SS18: variants seen among roughly 807,000 people sequenced by gnomAD.
The protein encoded by SS18 is protein SSXT.
SS18 carries 28 observed loss-of-function variants against 72.5 expected under a neutral mutation model. The observed-to-expected ratio is 0.39, with a 90% confidence interval of 0.29 to 0.53. The LOEUF (loss-of-function observed/expected upper bound fraction) is 0.53. Among genes scored for constraint, SS18 ranks in the 20% least tolerant of loss-of-function variants. The pLI, the probability that SS18 is intolerant of heterozygous loss-of-function variation, is 0.76. For missense variants in SS18, 518 were observed against 535.3 expected, an observed-to-expected ratio of 0.97 and a Z score of 0.32; for synonymous variants, 172 against 164.2, an observed-to-expected ratio of 1.05 and a Z score of -0.37.
intron 10 of SS18, among the ~76,000 whole-genome samples, chr18:26,019,143 T>C (rs1455125938): frequency 6.6e-6 from 1 of 152,196 alleles, no homozygotes; most frequent in East Asian, 1.9e-4. Flanking sequence ...TATACATCTG[T>C]TCAGGTTAAC....
In SS18 at chr18:26,058,557, A is replaced by G. The variant is rs142543807; in HGVS notation, c.232-815T>C. Among the ~76,000 whole-genome samples the G allele has an allele frequency of 4.3e-3, 660 of 152,312 alleles. 4 individuals are homozygous for G. The highest frequency in any genetic ancestry group is 0.014 in the African/African-American group (594 of 41,560). Reference sequence around the variant, plus strand: ...TTCTAAATGTAATGTCCATTCCTGTATTATCAGTTGTTCTCTTCCTCCTAC... The same window carrying G: ...TTCTAAATGTAATGTCCATTCCTGTGTTATCAGTTGTTCTCTTCCTCCTAC... On this transcript the variant is annotated intron_variant, in intron 3 of 10. Coordinates refer to ENST00000415083, the MANE Select transcript of SS18 (RefSeq NM_001007559.3).
chr18:26,054,331 T>A (rs1453559631), intron 4 of SS18, among the ~76,000 whole-genome samples: 2 of 152,206 alleles, frequency 1.3e-5, no homozygotes, highest in Non-Finnish European at 2.9e-5. Flanking sequence ...ACTGTCAAAT[T>A]TTAAAATATA....
intron 1 of SS18, chr18:26,090,031 T>C (rs1007587538): frequency 2.4e-5 from 4 of 163,472 alleles, no homozygotes; most frequent in Admixed American, 1.3e-4. Context: ...TCGGCTGAGT[T>C]TGCAGGGCGG....
At chr18:26,042,937 A>G (rs1462544951) in intron 5 of SS18, among the ~76,000 whole-genome samples, 1 of 152,200 alleles carries the variant, frequency 6.6e-6, no homozygotes, top group Admixed American at 6.5e-5. Context: ...ATACAAACCA[A>G]TACACTAAAA....
chr18:26,042,543 T>C (rs977234934), intron 5 of SS18, among the ~76,000 whole-genome samples: 1 of 151,968 alleles, frequency 6.6e-6, no homozygotes, highest in Non-Finnish European at 1.5e-5. Flanking sequence ...TTTAAACACA[T>C]GTAAAAACCT....
chr18:26,089,738 G>A (rs1284761108), intron 1 of SS18: 3 of 152,238 alleles, frequency 2.0e-5, no homozygotes, highest in African/African-American at 7.2e-5. Context: ...GCAGCTCCCT[G>A]TGTATTTATC....
In SS18 at chr18:26,018,386, A is replaced by T; in HGVS notation, c.1231-6T>A. The T allele has an allele frequency of 6.4e-7, 1 of 1,567,278 alleles. No individual in the cohort carries two copies. Among genetic ancestry groups the T allele is most frequent in the East Asian group, 2.3e-5 (1 of 44,184 alleles). ...TGGTAATTTCCATACTGTCCCTAAA[A>T]GATAAATTTAAAAATATAATTAGAT... On this transcript the variant is annotated splice_region_variant and splice_polypyrimidine_tract_variant and intron_variant, in intron 10 of 10. Transcript: ENST00000415083.
chr18:26,052,840 T>TA lies in SS18; in HGVS notation c.390dup (p.Asn131Ter). On this transcript the variant is annotated frameshift_variant, in exon 5 of 11. Coordinates refer to ENST00000415083, the MANE Select transcript of SS18 (RefSeq NM_001007559.3). LOFTEE classifies it high-confidence loss of function. ...CCAGGTCCCTGCATAGGCATATGGT[T>TA]AGGCCCTTTGAAGAAAAATGATCAG... 1 of 1,611,334 alleles carries TA rather than the reference T, an allele frequency of 6.2e-7. No homozygotes were observed. The highest frequency in any genetic ancestry group is 8.5e-7 in the Non-Finnish European group (1 of 1,177,634).
At chr18:26,060,968 AAC>A (rs1161542996) in intron 3 of SS18, among the ~76,000 whole-genome samples, 1 of 150,782 alleles carries the variant, frequency 6.6e-6, no homozygotes, top group African/African-American at 2.4e-5. Flanking sequence ...AAAAAAAAAA[AAC>A]AGATTATGGA....
chr18:26,049,558 G>A (rs973248720), intron 5 of SS18, among the ~76,000 whole-genome samples: 5 of 152,136 alleles, frequency 3.3e-5, no homozygotes, highest in African/African-American at 1.2e-4. Flanking sequence ...TGTCACCCAA[G>A]CTGGAGTGCA....
intron 5 of SS18, among the ~76,000 whole-genome samples, chr18:26,042,100 A>T (rs1409784750): frequency 6.6e-6 from 1 of 152,184 alleles, no homozygotes; most frequent in East Asian, 1.9e-4. Flanking sequence ...TAGGAAGTAT[A>T]TTATTTTCCT....
chr18:26,090,807 C>A (rs1337177253), upstream of SS18: 7 of 579,900 alleles, frequency 1.2e-5, no homozygotes, highest in African/African-American at 1.1e-4. Context: ...ACCGTCCCTG[C>A]ATCCCCCGAG....
At chr18:26,031,019 C>T (rs1009214553) in intron 10 of SS18, among the ~76,000 whole-genome samples, 2 of 152,180 alleles carry the variant, frequency 1.3e-5, no homozygotes, top group African/African-American at 4.8e-5. Flanking sequence ...GTAGGACCTA[C>T]TGCAGTATCA....
At chr18:26,073,774 T>C (rs1425843064) in intron 3 of SS18, among the ~76,000 whole-genome samples, 1 of 152,198 alleles carries the variant, frequency 6.6e-6, no homozygotes, top group African/African-American at 2.4e-5. Flanking sequence ...ATAATAAACA[T>C]TATCTGTCAC....
intron 1 of SS18, 88 bp downstream of exon 1, chr18:26,090,413 G>A: frequency 1.5e-6 from 2 of 1,369,922 alleles, no homozygotes; most frequent in South Asian, 1.2e-5. Context: ...GCCTCGGCCC[G>A]GTCGACTCCG....
rs999517299 is a variant in SS18, at chr18:26,030,182, C to G, written c.1230+2217G>C. On this transcript the variant is annotated intron_variant, in intron 10 of 10. Transcript: ENST00000415083. ...AGTCCCCTAATACGGCTTGTAAGAG[C>G]CTTCCTAAGCTAACTCCAACACCTC... Among the ~76,000 whole-genome samples the G allele has an allele frequency of 3.4e-4, 52 of 152,240 alleles. 1 individual carries two copies. The highest frequency in any genetic ancestry group is 1.2e-3 in the South Asian group (6 of 4,824).
At position 26,017,801 on chromosome 18, in the gene SS18, T is replaced by G; in HGVS notation, c.*553A>C. 1 of 225,572 alleles carries G rather than the reference T, an allele frequency of 4.4e-6. No homozygotes were observed. 14.0% of individuals were successfully genotyped at this position (225,572 alleles called of 1,614,324 possible). On this transcript the variant is annotated 3_prime_UTR_variant, in exon 11 of 11. Transcript: ENST00000415083. Reference sequence around the variant, plus strand: ...CTTTGTCTTCCCCTCACCTTTATCTTTATAGCACACCATTTTGAGACCAAA... The same window carrying G: ...CTTTGTCTTCCCCTCACCTTTATCTGTATAGCACACCATTTTGAGACCAAA...
At chr18:26,089,001 C>T (rs1021300082) in intron 1 of SS18, among the ~76,000 whole-genome samples, 3 of 152,140 alleles carry the variant, frequency 2.0e-5, no homozygotes, top group Admixed American at 6.5e-5. Flanking sequence ...CTAATGATTT[C>T]ACAACTTATT....
intron 1 of SS18, among the ~76,000 whole-genome samples, chr18:26,088,492 A>G (rs2054655664): frequency 6.6e-6 from 1 of 152,238 alleles, no homozygotes; most frequent in Non-Finnish European, 1.5e-5. Flanking sequence ...TTACTTCATA[A>G]TTATGCTGTC....
Sources: gnomAD v4.1 joint callset for allele counts (sites outside exome capture counted in the v4.1 genomes callset) on GRCh38, gnomAD v4.1.1 for gene constraint, MANE v1.5 for transcripts, NCBI Gene and HGNC (gene_info 2026-07-23, HGNC 2026-07-21) for gene names.